Variants in CUL9 observed in about 807,000 individuals in gnomAD.
The protein encoded by CUL9 is cullin 9.
A neutral mutation model predicts 272.6 loss-of-function variants in CUL9; 79 were observed. That is an observed-to-expected ratio of 0.29 (90% CI 0.24 to 0.35). CUL9 has a LOEUF of 0.35. Ranked by LOEUF, CUL9 falls within the 10% of genes least tolerant of loss-of-function variation. CUL9 has a pLI of 1.00. For synonymous variants in CUL9, 1,186 were observed against 1,286.5 expected, an observed-to-expected ratio of 0.92 and a Z score of 1.67; for missense variants, 2,532 against 3,255.6, an observed-to-expected ratio of 0.78 and a Z score of 5.41.
At position 43,205,283 on chromosome 6, in the gene CUL9, G is replaced by A; in HGVS notation, c.4653G>A (p.Arg1551=). 2 of 1,614,098 alleles carry A rather than the reference G, an allele frequency of 1.2e-6. No individual in the cohort carries two copies. Among genetic ancestry groups the A allele is most frequent in the Non-Finnish European group, 1.7e-6 (2 of 1,179,962 alleles). Reference sequence around the variant, plus strand: ...CCCAGATGAGTGAGCAGTTTGCCAGGTACATTGACCAACAGATCCAGGGTG... The same window carrying A: ...CCCAGATGAGTGAGCAGTTTGCCAGATACATTGACCAACAGATCCAGGGTG... The part of the protein sequence containing the change: ...TAAHMSEQFA[R]YIDQQIQGGL... The change falls in exon 24 of 41, where the codon AGG becomes AGA. Residue 1551 remains arginine, a synonymous_variant. Transcript: ENST00000252050.
Position 43,198,764 on chromosome 6 carries a change from C to T in CUL9, c.2959C>T (p.Arg987Cys), listed in dbSNP as rs374310005. 38 of 1,613,936 alleles carry T rather than the reference C, an allele frequency of 2.4e-5. No homozygotes were observed. Among genetic ancestry groups the T allele is most frequent in the African/African-American group, 9.3e-5 (7 of 74,934 alleles). The part of the protein sequence containing the change: ...PGGAVRPLLK[R>C]LQQETQPFLL... ...AGGTGCCGTGAGGCCCCTCCTCAAG[C>T]GCCTCCAGCAGGAGACCCAGCCTTT... Residue 987 changes from arginine to cysteine, a missense_variant, in exon 12 of 41, where the codon CGC (arginine) becomes TGC (cysteine). Physicochemically the swap from Arg to Cys is radical, Grantham distance 180. Coordinates refer to ENST00000252050, the MANE Select transcript of CUL9 (RefSeq NM_015089.4).
chr6:43,202,801 A>G lies in CUL9; in HGVS notation c.3733A>G (p.Ile1245Val), dbSNP rs551560546. 149 of 1,614,056 alleles carry G rather than the reference A, an allele frequency of 9.2e-5. 1 individual carries two copies. In the South Asian group the frequency reaches 1.4e-3, roughly 15 times the overall value. Residue 1245 changes from isoleucine (I) to valine (V), a missense_variant, in exon 17 of 41, where the codon ATC becomes GTC. This residue lies in a region of CUL9 where 2,218 missense variants were observed against 2,788.6 expected (regional missense o/e 0.80). Coordinates refer to ENST00000252050, the MANE Select transcript of CUL9 (RefSeq NM_015089.4). ...GTTTGGGGGTGACAGCACCAGCTGC[A>G]TCGGCACTGAGCTCAACACGGTGGG... ...VVFGGDSTSCIGTELNTVNVM... is the reference protein window; with the variant it reads ...VVFGGDSTSCVGTELNTVNVM...
At position 43,185,492 on chromosome 6, in the gene CUL9, A is replaced by G; in HGVS notation, c.632A>G (p.Gln211Arg). The change falls in exon 3 of 41, where the codon CAA (glutamine) becomes CGA (arginine). Residue 211 changes from glutamine (Q) to arginine (R), a missense_variant. Physicochemically the swap from Gln to Arg is conservative, Grantham distance 43 (BLOSUM62 1). Coordinates refer to ENST00000252050, the MANE Select transcript of CUL9 (RefSeq NM_015089.4). ...CACGTCCTTCTATCACTGAGCCAGC[A>G]AGATGGCATCGAGCAGCACATGGAT... is the stretch of plus-strand genomic sequence containing the variant. ...RAHVLLSLSQQDGIEQHMDFD... is the reference protein window; with the variant it reads ...RAHVLLSLSQRDGIEQHMDFD... The G allele has an allele frequency of 6.2e-7, 1 of 1,614,022 alleles. No individual in the cohort carries two copies. The highest frequency in any genetic ancestry group is 8.5e-7 in the Non-Finnish European group (1 of 1,180,024).
Position 43,199,361 on chromosome 6 carries a change from G to A in CUL9, c.3146G>A (p.Ser1049Asn). 1.2e-6 allele frequency: 2 copies of A among 1,612,692 alleles called. No individual in the cohort carries two copies. Among genetic ancestry groups the A allele is most frequent in the South Asian group, 2.2e-5 (2 of 91,066 alleles). ...CTCAACTGCCTGAGTGGCCCTAGCAGTGACTCCGAGGTACCAGAACCCTGG... is the reference window on the plus strand; with the variant it reads ...CTCAACTGCCTGAGTGGCCCTAGCAATGACTCCGAGGTACCAGAACCCTGG... Reference protein sequence around the residue: ...PCLNCLSGPSSDSEIVQELTC... With the variant: ...PCLNCLSGPSNDSEIVQELTC... The change falls in exon 13 of 41, where the codon AGT (serine) becomes AAT (asparagine). Residue 1049 changes from serine (S) to asparagine (N), a missense_variant. Transcript: ENST00000252050. The surrounding 1 kb of genome is among the most constrained non-coding windows in gnomAD (Gnocchi z 4.4).
rs1775848353 is a variant in CUL9 at position 43,215,333 on chromosome 6, A to G, written c.5936+7A>G. On this transcript the variant is annotated splice_region_variant and intron_variant, in intron 30 of 40. Coordinates refer to ENST00000252050, the MANE Select transcript of CUL9 (RefSeq NM_015089.4). ...GCGAAACCTCCAAGCCCAGGTAGCC[A>G]CTGCACCTGACCCCTTGCAGTGAGG... is the stretch of plus-strand genomic sequence containing the variant. 4.4e-6 allele frequency: 7 copies of G among 1,600,264 alleles called. No homozygotes were observed. Among genetic ancestry groups the G allele is most frequent in the Non-Finnish European group, 5.1e-6 (6 of 1,174,254 alleles).
chr6:43,209,980 T>A (rs1480429941), intron 26 of CUL9, among the ~76,000 whole-genome samples: 4 of 152,044 alleles, frequency 2.6e-5, no homozygotes, highest in South Asian at 2.1e-4. Context: ...TGTTTTTATT[T>A]TTTATTTATT....
At chr6:43,205,789 A>G (rs896628404) in intron 24 of CUL9, among the ~76,000 whole-genome samples, 2 of 150,602 alleles carry the variant, frequency 1.3e-5, no homozygotes, top group Non-Finnish European at 3.0e-5. Flanking sequence ...AGACCACGTC[A>G]TTGCACTTCA....
intron 26 of CUL9, among the ~76,000 whole-genome samples, chr6:43,207,723 G>T (rs1775159997): frequency 6.6e-6 from 1 of 151,632 alleles, no homozygotes; most frequent in South Asian, 2.1e-4. Context: ...TTCCCCTGTG[G>T]CCAAAGAGCA....
intron 36 of CUL9, 58 bp downstream of exon 36, chr6:43,222,448 T>C (rs1203114164): frequency 3.0e-6 from 2 of 660,136 alleles, no homozygotes; most frequent in African/African-American, 5.8e-5. Flanking sequence ...GGTGGTGGGG[T>C]GGAGGGGGGT....
At chr6:43,190,323 G>A in intron 8 of CUL9, among the ~76,000 whole-genome samples, 1 of 148,702 alleles carries the variant, frequency 6.7e-6, no homozygotes, top group African/African-American at 2.5e-5. Flanking sequence ...TAAATATTCT[G>A]TTATTATCCT....
chr6:43,204,289 C>G (rs1774869072), intron 20 of CUL9, 71 bp from the exon 21 acceptor site: 3 of 1,550,132 alleles, frequency 1.9e-6, no homozygotes, highest in Non-Finnish European at 2.6e-6. Context: ...TGATCTTTCT[C>G]CCTCCTCTGC....
rs138125607 is a variant in CUL9 at position 43,220,552 on chromosome 6, G to A, written c.6376G>A (p.Gly2126Arg). 5.5e-5 allele frequency: 88 copies of A among 1,614,044 alleles called. 1 individual carries two copies. The African/African-American group carries it at 6.5e-4, about 12-fold the overall frequency. Residue 2126 changes from glycine to arginine, a missense_variant, in exon 32 of 41, where the codon GGA becomes AGA. This residue lies in a region of CUL9 where 2,218 missense variants were observed against 2,788.6 expected (regional missense o/e 0.80). Transcript: ENST00000252050. This position sits in a 1 kb window ranked among gnomAD's most constrained non-coding sequence, Gnocchi z 4.9. ...PIADCPAQPT[G>R]AFIRAIVSSP... is the part of the protein sequence containing the mutation. ...TGCCGACTGCCCCGCCCAGCCCACC[G>A]GAGCCTTCATTCGTGCCATCGTCTC...
intron 7 of CUL9, 190 bp from the exon 8 acceptor site, chr6:43,188,333 C>A (rs564777480): frequency 7.6e-6 from 6 of 792,368 alleles, no homozygotes; most frequent in African/African-American, 5.2e-5. Context: ...AAGGAGGATC[C>A]GTTTTCTGGG....
rs952715026 is a variant in CUL9, at chr6:43,203,926, A to G, written c.4098A>G (p.Ala1366=). 3.1e-6 allele frequency: 5 copies of G among 1,613,282 alleles called. No individual in the cohort carries two copies. The highest frequency in any genetic ancestry group is 4.2e-6 in the Non-Finnish European group (5 of 1,179,470). The change falls in exon 20 of 41, where the codon GCA becomes GCG. Residue 1366 remains alanine, a synonymous_variant. Coordinates refer to ENST00000252050, the MANE Select transcript of CUL9 (RefSeq NM_015089.4). The surrounding 1 kb of genome is among the most constrained non-coding windows in gnomAD (Gnocchi z 5.0). ...RFLPDDEAAQ[A]LGKTCWEALV... is the part of the protein sequence containing the mutation. ...TCCCTGATGATGAGGCCGCCCAGGC[A>G]CTGGGCAAGACCTGCTGGGAGGCCC...
At chr6:43,205,526 G>C in intron 24 of CUL9, 103 bp downstream of exon 24, 1 of 1,362,062 alleles carries the variant, frequency 7.3e-7, no homozygotes, top group Non-Finnish European at 1.0e-6. Context: ...GTGTAGAGGA[G>C]AGATTAAGAT....
In CUL9 at chr6:43,215,285, T is replaced by C. The variant is rs757200877; in HGVS notation, c.5895T>C (p.Asp1965=). Residue 1965 remains aspartate (D), a synonymous_variant, in exon 30 of 41, where the codon GAT becomes GAC. Coordinates refer to ENST00000252050, the MANE Select transcript of CUL9 (RefSeq NM_015089.4). The part of the protein sequence containing the change: ...EPMGPCRGQA[D]VPFCGSQSET... Reference sequence around the variant, plus strand: ...TGGGGCCCTGCCGGGGTCAGGCAGATGTCCCTTTCTGTGGCAGCCAGAGCG... The same window carrying C: ...TGGGGCCCTGCCGGGGTCAGGCAGACGTCCCTTTCTGTGGCAGCCAGAGCG... The C allele has an allele frequency of 1.2e-6, 2 of 1,613,584 alleles. No individual in the cohort carries two copies. The highest frequency in any genetic ancestry group is 1.7e-6 in the Non-Finnish European group (2 of 1,179,900).
At position 43,204,863 on chromosome 6, in the gene CUL9, C is replaced by T. The variant is rs757467185; in HGVS notation, c.4449+6C>T. 5 of 1,613,828 alleles carry T rather than the reference C, an allele frequency of 3.1e-6. No homozygotes were observed. The highest frequency in any genetic ancestry group is 8.5e-7 in the Non-Finnish European group (1 of 1,179,864). On this transcript the variant is annotated splice_donor_region_variant and intron_variant, in intron 22 of 40. Transcript: ENST00000252050. ...TGAGCGTGGTGCAGGAGCAGGTGGG[C>T]AGAAGCAAGCAGAAGTCTGCAGAGG... is the stretch of plus-strand genomic sequence containing the variant.
intron 35 of CUL9, chr6:43,222,015 G>A: frequency 1.7e-6 from 1 of 594,722 alleles, no homozygotes; most frequent in Non-Finnish European, 3.0e-6. Flanking sequence ...AGAAAGGCTG[G>A]GGAGGGCTGG....
At chr6:43,212,060 G>A (rs142517859) in intron 26 of CUL9, among the ~76,000 whole-genome samples, 1 of 152,290 alleles carries the variant, frequency 6.6e-6, no homozygotes, top group East Asian at 1.9e-4. Flanking sequence ...TCATTCACAG[G>A]CTGGATTTTC....
Sources: allele counts gnomAD v4.1 joint callset (sites outside exome capture counted in the v4.1 genomes callset), GRCh38; gene constraint gnomAD v4.1.1; regional missense constraint gnomAD v4.1.1; non-coding constraint Gnocchi (gnomAD v3.1); transcripts MANE v1.5; gene names NCBI Gene and HGNC (gene_info 2026-07-23, HGNC 2026-07-21).